GPATCH8: variants seen among roughly 807,000 people sequenced by gnomAD.
The protein encoded by GPATCH8 is G patch domain-containing protein 8.
GPATCH8 carries 18 observed loss-of-function variants against 118.3 expected under a neutral mutation model. The ratio of observed to expected loss-of-function variants is 0.15; its 90% confidence interval spans 0.11 to 0.23. The LOEUF is 0.23. Among genes scored for constraint, GPATCH8 ranks in the 10% least tolerant of loss-of-function variants. The probability of loss-of-function intolerance (pLI) is 1.00; values close to 1 mark genes in which losing one functional copy is unlikely to be tolerated. For missense variants in GPATCH8, 1,631 were observed against 1,873.8 expected (o/e 0.87, Z 2.39); for synonymous variants, 659 against 684.7 (o/e 0.96, Z 0.59).
In GPATCH8 at chr17:44,399,667, T is replaced by C. The variant is rs759842838; in HGVS notation, c.2410A>G (p.Ser804Gly). 6.2e-7 allele frequency: 1 copy of C among 1,614,186 alleles called. No homozygotes were observed. Among genetic ancestry groups the C allele is most frequent in the African/African-American group, 1.3e-5 (1 of 75,064 alleles). ...TGGCTCCGATGGCTAGACCGGCTGC[T>C]CCGTTTGGTGCCTGCTCTTCGCTGG... The part of the protein sequence containing the change: ...SCQRRAGTKR[S>G]SRSSHRSQPS... The change falls in exon 8 of 8, where the codon AGC (serine) becomes GGC (glycine). Residue 804 changes from serine (S) to glycine (G), a missense_variant. Transcript: ENST00000591680.
intron 1 of GPATCH8, among the ~76,000 whole-genome samples, chr17:44,484,069 T>G (rs1260932389): frequency 6.6e-6 from 1 of 152,166 alleles, no homozygotes; most frequent in African/African-American, 2.4e-5. Flanking sequence ...CTTGATCTCC[T>G]GACTTCGTGA....
chr17:44,430,777 G>A (rs1391926897), intron 5 of GPATCH8, among the ~76,000 whole-genome samples: 3 of 151,192 alleles, frequency 2.0e-5, no homozygotes, highest in South Asian at 2.1e-4. Context: ...TGAGTAGCTC[G>A]GATTACAGGC....
rs936470011 is a variant in GPATCH8 at position 44,410,289 on chromosome 17, T to C, written c.493-4238A>G. Among the ~76,000 whole-genome samples the C allele has an allele frequency of 2.6e-5, 4 of 152,182 alleles. No individual in the cohort carries two copies. The East Asian group carries it at 5.8e-4, about 22-fold the overall frequency. Reference sequence around the variant, plus strand: ...TAAATTCTAAAGAGGAACACAACTATAGATAATTTCTTCAGGTGAGAATAG... The same window carrying C: ...TAAATTCTAAAGAGGAACACAACTACAGATAATTTCTTCAGGTGAGAATAG... On this transcript the variant is annotated intron_variant, in intron 6 of 7. Coordinates refer to ENST00000591680, the MANE Select transcript of GPATCH8 (RefSeq NM_001002909.4).
chr17:44,436,601 T>A (rs533447104), intron 3 of GPATCH8, 56 bp from the exon 4 acceptor site: 2 of 861,468 alleles, frequency 2.3e-6, no homozygotes, highest in South Asian at 1.3e-5. Context: ...ACAGCTCATT[T>A]TACACATTGG....
chr17:44,428,911 G>A (rs746382257), intron 5 of GPATCH8, among the ~76,000 whole-genome samples: 1 of 152,074 alleles, frequency 6.6e-6, no homozygotes, highest in Non-Finnish European at 1.5e-5. Flanking sequence ...GGAGGCCGAG[G>A]TGGGCGGTTC....
chr17:44,429,649 A>AATACACACACACAC (rs1253153078), intron 5 of GPATCH8, among the ~76,000 whole-genome samples: 1 of 125,614 alleles, frequency 8.0e-6, no homozygotes, highest in African/African-American at 2.8e-5. Flanking sequence ...GTCTCTACTA[A>AATACACACACACAC]ACACACACAC....
chr17:44,449,027 G>A (rs2051011724), intron 3 of GPATCH8, among the ~76,000 whole-genome samples: 1 of 152,188 alleles, frequency 6.6e-6, no homozygotes, highest in African/African-American at 2.4e-5. Flanking sequence ...TGTAATCCCA[G>A]CACTTTGGGA....
Position 44,453,498 on chromosome 17 carries a change from G to GTGTGTGTGTGTGTGTGTGTGTGTGTGTGT in GPATCH8, c.193+10973_193+10974insACACACACACACACACACACACACACACA, listed in dbSNP as rs1298562128. Among the ~76,000 whole-genome samples, 956 of 130,098 alleles carry GTGTGTGTGTGTGTGTGTGTGTGTGTGTGT rather than the reference G, an allele frequency of 7.3e-3. 39 individuals carry two copies. Among genetic ancestry groups the GTGTGTGTGTGTGTGTGTGTGTGTGTGTGT allele is most frequent in the Admixed American group, 0.011 (146 of 12,906 alleles). The allele number at this position is 130,098 out of a possible 152,430, so 85.3% of individuals were successfully genotyped here. A position where few individuals can be genotyped will look rare whatever the true frequency, so the allele number is the denominator to read the frequency against. On this transcript the variant is annotated intron_variant, in intron 3 of 7. Transcript: ENST00000591680. ...CTAGTTGTAGGTAGGTAGGTAGGTA[G>GTGTGTGTGTGTGTGTGTGTGTGTGTGTGT]GGGTGTGTGTGTGTGTGTGTGTGTG...
At chr17:44,494,290 C>T (rs761920302) in intron 1 of GPATCH8, among the ~76,000 whole-genome samples, 16 of 152,106 alleles carry the variant, frequency 1.1e-4, no homozygotes, top group East Asian at 9.6e-4. Context: ...CTCCTTACCA[C>T]GCTTAAAATC....
intron 3 of GPATCH8, among the ~76,000 whole-genome samples, chr17:44,458,273 A>AT (rs1313956146): frequency 0.018 from 2,734 of 150,208 alleles, 88 homozygotes; most frequent in African/African-American, 0.063. Context: ...AAAAAAAAAA[A>AT]GCTGGATTCA....
intron 1 of GPATCH8, among the ~76,000 whole-genome samples, chr17:44,484,795 A>G (rs1598618191): frequency 6.6e-6 from 1 of 152,148 alleles, no homozygotes; most frequent in South Asian, 2.1e-4. Flanking sequence ...TGATATTTCA[A>G]TGTATCATAA....
rs778569093 is a variant in GPATCH8, at chr17:44,435,033, C to T, written c.348+32G>A. ...TCTTTCTTATTCAGTGAGCACCTCC[C>T]CATCTCCCAATGAATAGCTTTGTTT... On this transcript the variant is annotated intron_variant, in intron 5 of 7. Transcript: ENST00000591680. 3.3e-6 allele frequency: 3 copies of T among 897,430 alleles called. No individual in the cohort carries two copies. The South Asian group carries it at 3.9e-5, about 12-fold the overall frequency. The allele number at this position is 897,430 out of a possible 1,614,324, so 55.6% of individuals were successfully genotyped here.
At chr17:44,460,717 T>C (rs555631870) in intron 3 of GPATCH8, among the ~76,000 whole-genome samples, 1 of 152,240 alleles carries the variant, frequency 6.6e-6, no homozygotes, top group Admixed American at 6.5e-5. Flanking sequence ...CTAGTCAATG[T>C]GAAGAACTTA....
intron 1 of GPATCH8, among the ~76,000 whole-genome samples, chr17:44,493,991 G>C (rs1969480109): frequency 6.6e-6 from 1 of 152,178 alleles, no homozygotes; most frequent in African/African-American, 2.4e-5. Flanking sequence ...TGGTGCCTCA[G>C]TTCCTTAACT....
Position 44,405,971 on chromosome 17 carries a change from T to C in GPATCH8, c.573A>G (p.Lys191=). The C allele has an allele frequency of 6.2e-7, 1 of 1,608,988 alleles. No homozygotes were observed. Among genetic ancestry groups the C allele is most frequent in the Non-Finnish European group, 8.5e-7 (1 of 1,175,292 alleles). ...RSRKDEKKQE[K]ALRRLHELAE... is the part of the protein sequence containing the mutation. ...CCAACTCATGGAGCCGCCGAAGGGCTTTTTCCTGTTTTTTCTCATCCTTGC... is the reference window on the plus strand; with the variant it reads ...CCAACTCATGGAGCCGCCGAAGGGCCTTTTCCTGTTTTTTCTCATCCTTGC... Residue 191 remains lysine, a synonymous_variant, in exon 7 of 8, where the codon AAA becomes AAG. Transcript: ENST00000591680.
intron 3 of GPATCH8, among the ~76,000 whole-genome samples, chr17:44,444,511 G>A (rs1194541491): frequency 2.0e-5 from 3 of 151,780 alleles, no homozygotes; most frequent in Non-Finnish European, 1.5e-5. Flanking sequence ...GGTGGCTCAC[G>A]GCTGTAATCC....
In GPATCH8 at chr17:44,398,270, C is replaced by A; in HGVS notation, c.3807G>T (p.Leu1269Phe). 1 of 1,613,400 alleles carries A rather than the reference C, an allele frequency of 6.2e-7. No individual in the cohort carries two copies. The highest frequency in any genetic ancestry group is 1.1e-5 in the South Asian group (1 of 91,022). The change falls in exon 8 of 8, where the codon TTG (leucine) becomes TTT (phenylalanine). Residue 1269 changes from leucine (L) to phenylalanine (F), a missense_variant. Physicochemically the swap from Leu to Phe is conservative, Grantham distance 22. Around this residue, in one of 8 missense-constraint regions of GPATCH8, gnomAD observed 922 missense variants for 879.7 expected, o/e 1.05. Coordinates refer to ENST00000591680, the MANE Select transcript of GPATCH8 (RefSeq NM_001002909.4). ...GCTCAAGGTCTGGTGCTATAGGCAG[C>A]AAGCTGGACTCCACAGGGCCTGGCT... Reference protein sequence around the residue: ...SSQPGPVESSLLPIAPDLEHF... With the variant: ...SSQPGPVESSFLPIAPDLEHF...
At chr17:44,490,179 G>A (rs993323770) in intron 1 of GPATCH8, among the ~76,000 whole-genome samples, 1 of 151,952 alleles carries the variant, frequency 6.6e-6, no homozygotes, top group Non-Finnish European at 1.5e-5. Context: ...ATGATGGTGT[G>A]CACCTGTAGT....
Position 44,397,026 on chromosome 17 carries a change from C to A in GPATCH8, c.*542G>T, listed in dbSNP as rs540000623. 1 of 454,038 alleles carries A rather than the reference C, an allele frequency of 2.2e-6. No homozygotes were observed. Among genetic ancestry groups the A allele is most frequent in the Non-Finnish European group, 4.4e-6 (1 of 226,794 alleles). 28.1% of individuals were successfully genotyped at this position (454,038 alleles called of 1,614,324 possible). A position where few individuals can be genotyped will look rare whatever the true frequency, so the allele number is the denominator to read the frequency against. ...GTTATATCAGGTTCCAGGTGAGACG[C>A]TTTCCACCTCACCTGGGATAACGTA... On this transcript the variant is annotated 3_prime_UTR_variant, in exon 8 of 8. Coordinates refer to ENST00000591680, the MANE Select transcript of GPATCH8 (RefSeq NM_001002909.4).
Sources: gnomAD v4.1 joint callset for allele counts (sites outside exome capture counted in the v4.1 genomes callset) on GRCh38, gnomAD v4.1.1 for gene constraint, gnomAD v4.1.1 regional missense constraint, MANE v1.5 for transcripts, NCBI Gene and HGNC (gene_info 2026-07-23, HGNC 2026-07-21) for gene names.